Variants in NTRK1 observed in about 807,000 individuals in gnomAD.
NTRK1 encodes neurotrophic receptor tyrosine kinase 1, also known as high affinity nerve growth factor receptor.
Under a neutral mutation model 86.8 loss-of-function variants are expected in NTRK1, and 62 were observed. The ratio of observed to expected loss-of-function variants is 0.71; its 90% confidence interval spans 0.58 to 0.88. NTRK1 has a LOEUF of 0.88. NTRK1 is among the 40% of genes least tolerant of loss of function. The probability of loss-of-function intolerance (pLI) is 0.00; values close to 1 mark genes in which losing one functional copy is unlikely to be tolerated. For synonymous variants in NTRK1, 469 were observed against 456.6 expected (o/e 1.03, Z -0.35); for missense variants, 967 against 1,078.4 (o/e 0.90, Z 1.45).
At chr1:156,869,018 CCCTT>C (rs773795513) in intron 6 of NTRK1, among the ~76,000 whole-genome samples, 863 of 43,304 alleles carry the variant, frequency 0.02, 15 homozygotes, top group African/African-American at 0.059. Context: ...TTTTCTCTCT[CCCTT>C]CCTTCCTTCC....
At chr1:156,816,810 G>C (rs72698634) in intron 1 of NTRK1, 7 of 1,143,558 alleles carry the variant, frequency 6.1e-6, no homozygotes, top group Admixed American at 2.9e-5. Context: ...CCCTGGCCCC[G>C]GGGGCAGGAA....
intron 6 of NTRK1, among the ~76,000 whole-genome samples, chr1:156,870,851 T>C (rs1399151598): frequency 6.6e-6 from 1 of 152,202 alleles, no homozygotes; most frequent in Non-Finnish European, 1.5e-5. Context: ...ATCATGTAAC[T>C]TACACATGAC....
chr1:156,867,216 G>T (rs1655980528), intron 4 of NTRK1, among the ~76,000 whole-genome samples: 1 of 152,246 alleles, frequency 6.6e-6, no homozygotes, highest in African/African-American at 2.4e-5. Context: ...GGGCCTGGCT[G>T]AGCAGATTAC....
chr1:156,851,891 C>T, intron 2 of NTRK1: 1 of 1,581,698 alleles, frequency 6.3e-7, no homozygotes, highest in Non-Finnish European at 8.6e-7. Flanking sequence ...CACTCACCTG[C>T]TGCTATTACG....
intron 15 of NTRK1, among the ~76,000 whole-genome samples, 173 bp downstream of exon 15, chr1:156,879,535 C>T (rs546982980): frequency 2.6e-5 from 4 of 152,232 alleles, no homozygotes; most frequent in East Asian, 1.9e-4. Context: ...CTGTCTCCTT[C>T]GCTATCCCAG....
At position 156,864,441 on chromosome 1, in the gene NTRK1, G is replaced by C; in HGVS notation, c.287+13G>C. 1 of 1,612,412 alleles carries C rather than the reference G, an allele frequency of 6.2e-7. No homozygotes were observed. Among genetic ancestry groups the C allele is most frequent in the South Asian group, 1.1e-5 (1 of 91,004 alleles). On this transcript the variant is annotated intron_variant, in intron 2 of 16. Transcript: ENST00000524377. ...AGCTGAGAAACCTGTGAGGGAAACG[G>C]GGACTGTGGGTGTGGAGCTCAGCAT...
intron 11 of NTRK1, 44 bp downstream of exon 11, chr1:156,875,052 G>A (rs2102912709): frequency 7.0e-7 from 1 of 1,422,638 alleles, no homozygotes; most frequent in Non-Finnish European, 9.9e-7. Flanking sequence ...CTGTTCTCCT[G>A]GCTTTGTTTC....
chr1:156,821,812 C>T (rs1032969299), intron 1 of NTRK1, among the ~76,000 whole-genome samples: 1 of 152,184 alleles, frequency 6.6e-6, no homozygotes, highest in Non-Finnish European at 1.5e-5. Context: ...GATTTATCTG[C>T]CCAACTCCCT....
intron 1 of NTRK1, among the ~76,000 whole-genome samples, chr1:156,862,561 C>T (rs993560502): frequency 6.6e-6 from 1 of 152,128 alleles, no homozygotes; most frequent in African/African-American, 2.4e-5. Context: ...GCTGAGATGT[C>T]CCCCTGGGTG....
intron 14 of NTRK1, among the ~76,000 whole-genome samples, chr1:156,876,885 GC>G (rs778181826): frequency 2.0e-5 from 3 of 152,242 alleles, no homozygotes; most frequent in Non-Finnish European, 2.9e-5. Flanking sequence ...CAAAGGCCAG[GC>G]CTGTAAGGGT....
intron 2 of NTRK1, chr1:156,844,636 G>A (rs369873985): frequency 1.1e-5 from 18 of 1,613,878 alleles, no homozygotes; most frequent in African/African-American, 8.0e-5. Context: ...TGAGAGTAAC[G>A]CAGAACAGCT....
At chr1:156,868,438 G>A (rs993927264) in intron 5 of NTRK1, 67 bp from the exon 6 acceptor site, 75 of 1,546,196 alleles carry the variant, frequency 4.9e-5, no homozygotes, top group South Asian at 2.6e-4. Flanking sequence ...GAGCAGCCCC[G>A]CAGTAGAGTT....
chr1:156,851,380 C>G (rs769163533), intron 2 of NTRK1: 1 of 1,614,092 alleles, frequency 6.2e-7, no homozygotes, highest in East Asian at 2.2e-5. Flanking sequence ...TTTGAGGAAG[C>G]CAGTAATGGT....
At chr1:156,870,827 A>G (rs1647506038) in intron 6 of NTRK1, among the ~76,000 whole-genome samples, 1 of 152,248 alleles carries the variant, frequency 6.6e-6, no homozygotes, top group Non-Finnish European at 1.5e-5. Context: ...AGCAAGATGA[A>G]GAATTGTCGT....
At chr1:156,849,247 G>T in intron 2 of NTRK1, 1 of 1,613,676 alleles carries the variant, frequency 6.2e-7, no homozygotes. Context: ...GGGTCTCACA[G>T]GCGGCGCGGT....
chr1:156,816,954 CTG>C, intron 1 of NTRK1: 1 of 392,448 alleles, frequency 2.5e-6, no homozygotes, highest in South Asian at 8.5e-5. Flanking sequence ...CTGTGTCACT[CTG>C]TGTTTAGGTG....
At chr1:156,842,726 T>C (rs948337158) in intron 2 of NTRK1, among the ~76,000 whole-genome samples, 9 of 152,138 alleles carry the variant, frequency 5.9e-5, no homozygotes, top group African/African-American at 2.2e-4. Context: ...TGGTCCAACT[T>C]TGGCCTTGAG....
chr1:156,859,841 T>G (rs1655546853), upstream of NTRK1, among the ~76,000 whole-genome samples: 1 of 152,098 alleles, frequency 6.6e-6, no homozygotes, highest in Admixed American at 6.5e-5. This position sits in a 1 kb window ranked among gnomAD's most constrained non-coding sequence, Gnocchi z 6.2. Context: ...GAGACACCCC[T>G]CTTCCCTTCG....
intron 1 of NTRK1, among the ~76,000 whole-genome samples, chr1:156,824,206 T>A (rs1442530427): frequency 1.3e-5 from 2 of 151,656 alleles, no homozygotes; most frequent in Non-Finnish European, 2.9e-5. Context: ...TCGCTCCCCA[T>A]GTGCAAAGTG....
Sources: allele counts gnomAD v4.1 joint callset (sites outside exome capture counted in the v4.1 genomes callset), GRCh38; gene constraint gnomAD v4.1.1; non-coding constraint Gnocchi (gnomAD v3.1); transcripts MANE v1.5; gene names NCBI Gene and HGNC (gene_info 2026-07-23, HGNC 2026-07-21).